CHODL: variants seen among roughly 807,000 people sequenced by gnomAD.
CHODL encodes chondrolectin, also known as transmembrane protein MT75.
In CHODL, 29 loss-of-function variants were observed where a neutral mutation model predicts 34.5. The ratio of observed to expected loss-of-function variants is 0.84; its 90% CI spans 0.63 to 1.15. The LOEUF (loss-of-function observed/expected upper bound fraction) is 1.15. Ranked by LOEUF, CHODL falls within the 50% of genes most tolerant of loss-of-function variation. The probability of loss-of-function intolerance (pLI) is 0.00; values close to 1 mark genes in which losing one functional copy is unlikely to be tolerated. For synonymous variants in CHODL, 125 were observed against 116.1 expected (o/e 1.08, Z -0.49); for missense variants, 332 against 332.5 (o/e 1.00, Z 0.01).
At chr21:17,957,400 CTACATGT>C (rs1454719927) in intron 1 of CHODL, among the ~76,000 whole-genome samples, 1 of 152,096 alleles carries the variant, frequency 6.6e-6, no homozygotes, top group Non-Finnish European at 1.5e-5. Flanking sequence ...CGTACTCTTC[CTACATGT>C]TTCCTGATCT....
chr21:17,965,295 C>G (rs891901412), intron 1 of CHODL, among the ~76,000 whole-genome samples: 1 of 152,268 alleles, frequency 6.6e-6, no homozygotes, highest in East Asian at 1.9e-4. Flanking sequence ...AAAAAATATT[C>G]AAGCTCATTA....
chr21:17,935,853 G>A (rs2063314767), intron 1 of CHODL, among the ~76,000 whole-genome samples: 1 of 152,134 alleles, frequency 6.6e-6, no homozygotes, highest in African/African-American at 2.4e-5. Flanking sequence ...GTGATGTAAG[G>A]GATAGAGAGA....
intron 1 of CHODL, among the ~76,000 whole-genome samples, chr21:18,017,583 T>C (rs1215891524): frequency 1.3e-5 from 2 of 152,194 alleles, no homozygotes; most frequent in Non-Finnish European, 2.9e-5. Flanking sequence ...TGAGTGAGGC[T>C]TGGCAGTCTC....
At chr21:18,038,587 T>C (rs2064338256) in intron 2 of CHODL, among the ~76,000 whole-genome samples, 1 of 151,752 alleles carries the variant, frequency 6.6e-6, no homozygotes, top group African/African-American at 2.4e-5. Context: ...TGCTTTATTA[T>C]TGAAACTAAG....
In CHODL at chr21:18,133,776, G is replaced by T. The variant is rs573574918; in HGVS notation, c.-45+105805G>T. Among the ~76,000 whole-genome samples the T allele has an allele frequency of 2.6e-5, 4 of 152,190 alleles. No individual in the cohort carries two copies. The East Asian group carries it at 7.7e-4, about 29-fold the overall frequency. On this transcript the variant is annotated intron_variant, in intron 2 of 6. Transcript: ENST00000400127. ...TAAGCATCACTCTGTAGGGCACGGG[G>T]GTGATAGGAATCTTTATGAACATGA...
intron 2 of CHODL, among the ~76,000 whole-genome samples, chr21:18,099,188 T>C (rs1231046058): frequency 6.6e-6 from 1 of 152,016 alleles, no homozygotes; most frequent in Non-Finnish European, 1.5e-5. Flanking sequence ...ACCGGGAGAC[T>C]ATAGTCAATA....
chr21:17,929,603 G>A (rs1161323202), intron 1 of CHODL, among the ~76,000 whole-genome samples: 1 of 152,236 alleles, frequency 6.6e-6, no homozygotes, highest in East Asian at 1.9e-4. Context: ...ACATGGGGAA[G>A]GGCTGAGTGA....
chr21:17,951,514 A>C (rs2063457105), intron 1 of CHODL, among the ~76,000 whole-genome samples: 1 of 152,018 alleles, frequency 6.6e-6, no homozygotes, highest in Non-Finnish European at 1.5e-5. Context: ...TGAATAACAA[A>C]AGACTGTATC....
At chr21:18,020,360 G>A (rs1339334498) in intron 1 of CHODL, among the ~76,000 whole-genome samples, 1 of 152,118 alleles carries the variant, frequency 6.6e-6, no homozygotes, top group Admixed American at 6.5e-5. Flanking sequence ...TAAAATGACT[G>A]AAAGCTGCAA....
chr21:18,041,859 GT>G (rs1253615104), intron 2 of CHODL, among the ~76,000 whole-genome samples: 12 of 151,840 alleles, frequency 7.9e-5, no homozygotes, highest in Non-Finnish European at 1.8e-4. Flanking sequence ...GCTTTTATAT[GT>G]GCTAAAGGGA....
At position 18,152,472 on chromosome 21, in the gene CHODL, C is replaced by T. The variant is rs116740337; in HGVS notation, c.-44-104037C>T. Among the ~76,000 whole-genome samples, 587 of 152,292 alleles carry T rather than the reference C, an allele frequency of 3.9e-3. 7 individuals are homozygous for T. Among genetic ancestry groups the T allele is most frequent in the African/African-American group, 0.013 (544 of 41,554 alleles). On this transcript the variant is annotated intron_variant, in intron 2 of 6. Coordinates refer to the CHODL transcript ENST00000400127. ...GCCAGGGCTGGGTTCTCATCTGAAG[C>T]TCAGGGTCCTCTTTCAAGCTCATTG...
chr21:18,131,664 A>C (rs955187725), intron 2 of CHODL, among the ~76,000 whole-genome samples: 2 of 152,090 alleles, frequency 1.3e-5, no homozygotes, highest in African/African-American at 4.8e-5. Flanking sequence ...TCATAGCACC[A>C]CAGTCCCTAT....
chr21:18,264,273 T>C (rs768260168), intron 5 of CHODL, among the ~76,000 whole-genome samples: 8 of 151,880 alleles, frequency 5.3e-5, no homozygotes, highest in Non-Finnish European at 1.0e-4. Flanking sequence ...CACAACACAG[T>C]GAACCGGGAC....
chr21:17,966,659 C>T (rs1408211365), intron 1 of CHODL, among the ~76,000 whole-genome samples: 1 of 152,146 alleles, frequency 6.6e-6, no homozygotes, highest in Non-Finnish European at 1.5e-5. Context: ...GAATTGTCTT[C>T]CAGGATTTTC....
At chr21:18,061,820 C>G (rs1326423134) in intron 2 of CHODL, among the ~76,000 whole-genome samples, 3 of 152,280 alleles carry the variant, frequency 2.0e-5, no homozygotes, top group African/African-American at 7.2e-5. Context: ...CAAGTTTAAA[C>G]TTGACACAAC....
At chr21:17,919,512 GT>G (rs2063167586) in intron 1 of CHODL, among the ~76,000 whole-genome samples, 1 of 152,142 alleles carries the variant, frequency 6.6e-6, no homozygotes, top group South Asian at 2.1e-4. Context: ...AGGGCACCAA[GT>G]CCCTAAACTG....
At chr21:18,105,189 G>A (rs978711794) in intron 2 of CHODL, among the ~76,000 whole-genome samples, 4 of 152,188 alleles carry the variant, frequency 2.6e-5, no homozygotes, top group African/African-American at 9.7e-5. Context: ...AAGAATCAGA[G>A]CCTTGAAAAA....
chr21:17,925,458 T>G (rs967319188), intron 1 of CHODL, among the ~76,000 whole-genome samples: 4 of 152,134 alleles, frequency 2.6e-5, no homozygotes, highest in African/African-American at 9.7e-5. Context: ...AGAGGGCAAA[T>G]AGGAAAGAAT....
At chr21:18,017,249 T>A (rs1200312332) in intron 1 of CHODL, among the ~76,000 whole-genome samples, 4 of 152,184 alleles carry the variant, frequency 2.6e-5, no homozygotes, top group African/African-American at 9.7e-5. Flanking sequence ...TCAAATCTCA[T>A]GTTGAATTAT....
Sources: gnomAD v4.1 joint callset for allele counts (sites outside exome capture counted in the v4.1 genomes callset) on GRCh38, gnomAD v4.1.1 for gene constraint, MANE v1.5 for transcripts, NCBI Gene and HGNC (gene_info 2026-07-23, HGNC 2026-07-21) for gene names.